Variants in CEP131 observed in about 807,000 individuals in gnomAD.
CEP131 encodes centrosomal protein of 131 kDa.
A neutral mutation model predicts 136.8 loss-of-function variants in CEP131; 99 were observed. The observed-to-expected ratio is 0.72, with a 90% CI of 0.62 to 0.86. The LOEUF (loss-of-function observed/expected upper bound fraction) is 0.86. Among genes scored for constraint, CEP131 ranks in the 40% least tolerant of loss-of-function variants. The pLI is 0.00. For missense variants in CEP131, 1,459 were observed against 1,463.0 expected, an observed-to-expected ratio of 1.00 and a Z score of 0.04; for synonymous variants, 646 against 612.7, an observed-to-expected ratio of 1.05 and a Z score of -0.80.
chr17:81,190,458 A>C (rs2061612622), intron 24 of CEP131, among the ~76,000 whole-genome samples, 181 bp downstream of exon 24: 1 of 152,182 alleles, frequency 6.6e-6, no homozygotes. Context: ...CCAGGGAGGA[A>C]AACAGATCTA....
Position 81,191,841 on chromosome 17 carries a change from G to A in CEP131, c.2622+477C>T, listed in dbSNP as rs1028176485. 1.6e-4 allele frequency among the ~76,000 whole-genome samples: 24 copies of A among 152,308 alleles called. 1 individual carries two copies. Among genetic ancestry groups the A allele is most frequent in the African/African-American group, 4.8e-4 (20 of 41,568 alleles). ...CTCGGTGACATCCCAGCCCACCAGG[G>A]TGTGAAACCAGGTGACGGGCACGGT... is the stretch of plus-strand genomic sequence containing the variant. On this transcript the variant is annotated intron_variant, in intron 21 of 25. Coordinates refer to ENST00000450824, the MANE Select transcript of CEP131 (RefSeq NM_014984.4).
intron 1 of CEP131, 59 bp from the exon 2 acceptor site, chr17:81,220,132 C>T: frequency 1.5e-6 from 2 of 1,321,948 alleles, no homozygotes; most frequent in Non-Finnish European, 2.0e-6. Context: ...GTCCCCTGCA[C>T]CCACCATCTC....
chr17:81,189,885 G>A (rs768332011), intron 25 of CEP131, 30 bp downstream of exon 25: 13 of 1,612,582 alleles, frequency 8.1e-6, no homozygotes, highest in Non-Finnish European at 1.1e-5. Flanking sequence ...CCAGCCCCGA[G>A]GTCCAGCAGG....
In CEP131 at chr17:81,218,009, C is replaced by T. The variant is rs574841311; in HGVS notation, c.177+1871G>A. ...AATTTCTTTCTTTCTCCTTCTCCCT[C>T]TCCCTCTCCCTCCCCCTCCCCCTCC... On this transcript the variant is annotated intron_variant, in intron 2 of 25. Transcript: ENST00000450824. 9.9e-5 allele frequency among the ~76,000 whole-genome samples: 15 copies of T among 152,118 alleles called. 1 individual carries two copies. The South Asian group carries it at 1.0e-3, about 11-fold the overall frequency.
In CEP131 at chr17:81,192,729, G is replaced by A. The variant is rs1444317183; in HGVS notation, c.2429+7C>T. 1 of 1,555,106 alleles carries A rather than the reference G, an allele frequency of 6.4e-7. No individual in the cohort carries two copies. On this transcript the variant is annotated splice_region_variant and intron_variant, in intron 19 of 25. Transcript: ENST00000450824. ...CTGGGAGAGGGCGTGGTGCCCCCGG[G>A]CGGCACCTGGCTGCCTGCTGGCCCA... is the stretch of plus-strand genomic sequence containing the variant.
At position 81,192,354 on chromosome 17, in the gene CEP131, C is replaced by T; in HGVS notation, c.2586G>A (p.Glu862=). Residue 862 remains glutamate, a synonymous_variant, in exon 21 of 26, where the codon GAG becomes GAA. Transcript: ENST00000450824. The part of the protein sequence containing the change: ...LNTLKQQLEL[E]RQAWEAGRTR... ...TGCGGCCGGCCTCCCACGCCTGCCT[C>T]TCCAGCTCCAGCTGCTGCTTCAGGG... is the stretch of plus-strand genomic sequence containing the variant. 6.3e-7 allele frequency: 1 copy of T among 1,586,524 alleles called. No homozygotes were observed. The highest frequency in any genetic ancestry group is 1.1e-5 in the South Asian group (1 of 87,622).
rs987324285 is a variant in CEP131 at position 81,195,907 on chromosome 17, C to T, written c.1944G>A (p.Val648=). 6.2e-6 allele frequency: 10 copies of T among 1,609,970 alleles called. No homozygotes were observed. In the Admixed American group the frequency reaches 1.2e-4, roughly 19 times the overall value. The part of the protein sequence containing the change: ...KKVLSEKCEA[V]VAELKQEDQR... Reference sequence around the variant, plus strand: ...GGTCCTCCTGCTTCAGCTCGGCCACCACAGCCTCGCACTTTTCACTCAGGA... The same window carrying T: ...GGTCCTCCTGCTTCAGCTCGGCCACTACAGCCTCGCACTTTTCACTCAGGA... Residue 648 remains valine (V), a synonymous_variant, in exon 16 of 26, where the codon GTG becomes GTA. Coordinates refer to ENST00000450824, the MANE Select transcript of CEP131 (RefSeq NM_014984.4).
Position 81,189,920 on chromosome 17 carries a change from G to C in CEP131, c.3163C>G (p.His1055Asp). The change falls in exon 25 of 26, where the codon CAT (histidine) becomes GAT (aspartate). Residue 1055 changes from histidine (H) to aspartate (D), a missense_variant. His to Asp is a moderately conservative substitution (Grantham distance 81). Coordinates refer to ENST00000450824, the MANE Select transcript of CEP131 (RefSeq NM_014984.4). ...GGCTGGCCACAGGGACTCACCTCAT[G>C]TTGTGTCCGGAGGCTGCTCACGGCC... is the stretch of plus-strand genomic sequence containing the variant. ...EEAVSSLRTQ[H>D]EAAVKRADHL... is the part of the protein sequence containing the mutation. 2 of 1,612,856 alleles carry C rather than the reference G, an allele frequency of 1.2e-6. No homozygotes were observed. Among genetic ancestry groups the C allele is most frequent in the Non-Finnish European group, 8.5e-7 (1 of 1,179,674 alleles).
At position 81,197,641 on chromosome 17, in the gene CEP131, C is replaced by T. The variant is rs552715352; in HGVS notation, c.1647+71G>A. On this transcript the variant is annotated intron_variant, in intron 13 of 25. Coordinates refer to ENST00000450824, the MANE Select transcript of CEP131 (RefSeq NM_014984.4). The stretch of plus-strand genomic sequence containing the variant: ...CGGGCTGGTGAGGGGCCTCCTCCCC[C>T]GAGGGCCAGGTGCAGGCTCGTGAGG... 2.9e-4 allele frequency: 444 copies of T among 1,516,150 alleles called. 2 individuals carry two copies. In the South Asian group the frequency reaches 4.3e-3, roughly 15 times the overall value. The allele number at this position is 1,516,150 out of a possible 1,614,324, so 93.9% of individuals were successfully genotyped here. A position where few individuals can be genotyped will look rare whatever the true frequency, so the allele number is the denominator to read the frequency against.
intron 13 of CEP131, 142 bp downstream of exon 13, chr17:81,197,570 C>G (rs569171486): frequency 8.0e-7 from 1 of 1,250,726 alleles, no homozygotes; most frequent in Admixed American, 2.9e-5. Context: ...CTGCTGGGGG[C>G]CGGGTGGGGG....
Position 81,197,433 on chromosome 17 carries a change from G to A in CEP131, c.1647+279C>T, listed in dbSNP as rs1187186116. On this transcript the variant is annotated intron_variant, in intron 13 of 25. Transcript: ENST00000450824. The stretch of plus-strand genomic sequence containing the variant: ...CTGAACTATCCACACATATGGGCTC[G>A]TGGAGGCAGCTCGGGGCAGCGGGTA... 1.3e-5 allele frequency: 7 copies of A among 549,080 alleles called. No homozygotes were observed. The Admixed American group carries it at 1.4e-4, about 11-fold the overall frequency. 34.0% of individuals were successfully genotyped at this position (549,080 alleles called of 1,614,324 possible).
At chr17:81,221,193 C>T (rs973782738) in intron 1 of CEP131, among the ~76,000 whole-genome samples, 3 of 150,022 alleles carry the variant, frequency 2.0e-5, no homozygotes, top group Non-Finnish European at 3.0e-5. Flanking sequence ...GGTCTCAAGG[C>T]CTCAAGGCTG....
chr17:81,196,816 C>G lies in CEP131; in HGVS notation c.1784G>C (p.Arg595Pro). 5 of 1,593,238 alleles carry G rather than the reference C, an allele frequency of 3.1e-6. No individual in the cohort carries two copies. The highest frequency in any genetic ancestry group is 4.3e-6 in the Non-Finnish European group (5 of 1,171,304). The change falls in exon 15 of 26, where the codon CGA (arginine) becomes CCA (proline). Residue 595 changes from arginine (R) to proline (P), a missense_variant. By Grantham distance (103) the Arg-to-Pro change is moderately radical. This residue lies in a region of CEP131 where 1,026 missense variants were observed against 964.2 expected (regional missense o/e 1.06). Coordinates refer to ENST00000450824, the MANE Select transcript of CEP131 (RefSeq NM_014984.4). ...LLLQRALAQQ[R>P]DLTARRVKET... is the part of the protein sequence containing the mutation. Reference sequence around the variant, plus strand: ...CTTGACCCGCCGGGCCGTGAGGTCTCGCTGCTGCGCCTGCAGGGTGTGGGC... The same window carrying G: ...CTTGACCCGCCGGGCCGTGAGGTCTGGCTGCTGCGCCTGCAGGGTGTGGGC...
chr17:81,211,438 G>A (rs1404772321), intron 2 of CEP131, among the ~76,000 whole-genome samples: 1 of 152,234 alleles, frequency 6.6e-6, no homozygotes, highest in East Asian at 1.9e-4. Context: ...GGTCAGTGAG[G>A]AGAGGATTGA....
chr17:81,205,211 A>G (rs1313943896), intron 5 of CEP131, among the ~76,000 whole-genome samples: 1 of 150,976 alleles, frequency 6.6e-6, no homozygotes, highest in Non-Finnish European at 1.5e-5. Context: ...GTGAGCCGAG[A>G]TCACACCACT....
At chr17:81,192,921 G>A (rs1034229149) in intron 18 of CEP131, 78 bp from the exon 19 acceptor site, 35 of 1,526,164 alleles carry the variant, frequency 2.3e-5, no homozygotes, top group Non-Finnish European at 2.7e-5. Context: ...GGCACGGGCC[G>A]ACCACAGGCC....
In CEP131 at chr17:81,203,445, T is replaced by C. The variant is rs2061938657; in HGVS notation, c.629+49A>G. ...CCCCAGGTGCACTGACTACATGCCC[T>C]AACTGAGGTCGGACCCCGCAGCCCC... On this transcript the variant is annotated intron_variant, in intron 6 of 25. Coordinates refer to ENST00000450824, the MANE Select transcript of CEP131 (RefSeq NM_014984.4). This position sits in a 1 kb window ranked among gnomAD's most constrained non-coding sequence, Gnocchi z 4.6. 6.9e-7 allele frequency: 1 copy of C among 1,459,058 alleles called. No individual in the cohort carries two copies. Among genetic ancestry groups the C allele is most frequent in the African/African-American group, 1.4e-5 (1 of 71,684 alleles). 90.4% of individuals were successfully genotyped at this position (1,459,058 alleles called of 1,614,324 possible).
chr17:81,208,918 TAG>T lies in CEP131; in HGVS notation c.272+8_272+9del. 1 of 1,611,662 alleles carries T rather than the reference TAG, an allele frequency of 6.2e-7. No individual in the cohort carries two copies. ...AGGGGCCAGGGTTATCCAAGGGCCTTAGGGGTTACCTGGGGGAGCCGCTCCGA... is the reference window on the plus strand; with the variant it reads ...AGGGGCCAGGGTTATCCAAGGGCCTTGGGTTACCTGGGGGAGCCGCTCCGA... On this transcript the variant is annotated splice_region_variant and intron_variant, in intron 3 of 25. Transcript: ENST00000450824. The surrounding 1 kb of genome is among the most constrained non-coding windows in gnomAD (Gnocchi z 5.6).
intron 13 of CEP131, 111 bp downstream of exon 13, chr17:81,197,601 C>G (rs1319388233): frequency 6.8e-5 from 97 of 1,433,626 alleles, no homozygotes; most frequent in East Asian, 1.5e-4. Context: ...ACCTCCTCCC[C>G]CTGGGGGCCA....
Sources: gnomAD v4.1 joint callset for allele counts (sites outside exome capture counted in the v4.1 genomes callset) on GRCh38, gnomAD v4.1.1 for gene constraint, gnomAD v4.1.1 regional missense constraint, Gnocchi (gnomAD v3.1) non-coding constraint, MANE v1.5 for transcripts, NCBI Gene and HGNC (gene_info 2026-07-23, HGNC 2026-07-21) for gene names.